GPR137: variants seen among roughly 807,000 people sequenced by gnomAD.
GPR137 encodes the protein G protein-coupled receptor 137.
A neutral mutation model predicts 38.9 loss-of-function variants in GPR137; 20 were observed. The ratio of observed to expected loss-of-function variants is 0.51; its 90% CI spans 0.36 to 0.75. GPR137 has a LOEUF of 0.75. Ranked by LOEUF, GPR137 falls within the 30% of genes least tolerant of loss-of-function variation. The probability of loss-of-function intolerance (pLI) is 0.00; values close to 1 mark genes in which losing one functional copy is unlikely to be tolerated. For synonymous variants in GPR137, 226 were observed against 235.8 expected (o/e 0.96, Z 0.38); for missense variants, 456 against 526.4 (o/e 0.87, Z 1.31).
upstream of GPR137, among the ~76,000 whole-genome samples, chr11:64,273,249 T>C (rs1403720599): frequency 2.0e-5 from 3 of 152,158 alleles, no homozygotes; most frequent in Non-Finnish European, 4.4e-5. Flanking sequence ...GGTTCACGCC[T>C]GTAGTCCCAG....
chr11:64,286,402 T>G lies in GPR137; in HGVS notation c.-123T>G, dbSNP rs2034060415. ...AGGGGCCTGTCAGCCACAACTTCTT[T>G]CCTCCTGAGCGCCCCATCTCCCTCT... is the stretch of plus-strand genomic sequence containing the variant. On this transcript the variant is annotated 5_prime_UTR_variant, in exon 1 of 7. Coordinates refer to ENST00000438980, the MANE Select transcript of GPR137 (RefSeq NM_001170880.2). 1 of 1,447,280 alleles carries G rather than the reference T, an allele frequency of 6.9e-7. No homozygotes were observed. The highest frequency in any genetic ancestry group is 9.0e-7 in the Non-Finnish European group (1 of 1,105,094). The allele number at this position is 1,447,280 out of a possible 1,614,324, so 89.7% of individuals were successfully genotyped here. A position where few individuals can be genotyped will look rare whatever the true frequency, so the allele number is the denominator to read the frequency against.
chr11:64,289,238 C>CT lies in GPR137; in HGVS notation c.*43dup. 6.2e-7 allele frequency: 1 copy of CT among 1,612,292 alleles called. No homozygotes were observed. On this transcript the variant is annotated 3_prime_UTR_variant, in exon 7 of 7. Coordinates refer to ENST00000438980, the MANE Select transcript of GPR137 (RefSeq NM_001170880.2). ...ACAGAATACCCAGGCCCCAGTCCCC[C>CT]TCACCCTAGGCCCCTGTGCCAAGTT... is the stretch of plus-strand genomic sequence containing the variant.
exon 1 of GPR137, chr11:64,270,616 CAGA>C (rs1171039982): frequency 3.0e-6 from 2 of 664,514 alleles, no homozygotes; most frequent in Non-Finnish European, 5.5e-6. Context: ...ACCTAGCACC[CAGA>C]AGATGAGACC....
At chr11:64,284,660 G>A (rs1055115245), upstream of GPR137, 21 of 1,534,552 alleles carry the variant, frequency 1.4e-5, no homozygotes, top group Non-Finnish European at 1.8e-5. Flanking sequence ...CCCCTGACCC[G>A]GGCCTGCCGC....
upstream of GPR137, among the ~76,000 whole-genome samples, chr11:64,272,129 G>GC (rs1277012302): frequency 2.0e-5 from 3 of 152,132 alleles, no homozygotes; most frequent in Non-Finnish European, 4.4e-5. Flanking sequence ...GACCATCCTG[G>GC]CCAACATGGT....
At position 64,286,730 on chromosome 11, in the gene GPR137, G is replaced by T; in HGVS notation, c.206G>T (p.Trp69Leu). 6.2e-7 allele frequency: 1 copy of T among 1,613,524 alleles called. No individual in the cohort carries two copies. Among genetic ancestry groups the T allele is most frequent in the Non-Finnish European group, 8.5e-7 (1 of 1,179,714 alleles). ...GTGTTCCTGGCCCTCTGTCTGCTCT[G>T]GGCCGCCTTGCGTACCACCCTCTTC... Reference protein sequence around the residue: ...QTVFLALCLLWAALRTTLFSF... With the variant: ...QTVFLALCLLLAALRTTLFSF... Residue 69 changes from tryptophan to leucine, a missense_variant, in exon 1 of 7, where the codon TGG (tryptophan) becomes TTG (leucine). Transcript: ENST00000438980.
upstream of GPR137, among the ~76,000 whole-genome samples, chr11:64,270,928 CA>C (rs2032477385): frequency 8.3e-6 from 1 of 120,878 alleles, no homozygotes; most frequent in Admixed American, 8.1e-5. Flanking sequence ...CACACACACA[CA>C]CACGCCTGGA....
At chr11:64,271,498 T>G, upstream of GPR137, 3 of 1,091,708 alleles carry the variant, frequency 2.7e-6, no homozygotes, top group Non-Finnish European at 3.6e-6. Flanking sequence ...CAGGACGGCT[T>G]TGGGGAGGGG....
Position 64,286,909 on chromosome 11 carries a change from G to A in GPR137, c.357+28G>A, listed in dbSNP as rs200783826. On this transcript the variant is annotated intron_variant, in intron 1 of 6. Transcript: ENST00000438980. ...AACCAACTGTGGTCCCGGGTGGGGG[G>A]CGGGAGGTGGCAAGCCTCAAGGACC... The A allele has an allele frequency of 2.5e-5, 36 of 1,437,422 alleles. No individual in the cohort carries two copies. In the East Asian group the frequency reaches 4.1e-4, roughly 16 times the overall value. The allele number at this position is 1,437,422 out of a possible 1,614,324, so 89.0% of individuals were successfully genotyped here.
At chr11:64,284,800 GC>G (rs763067502), upstream of GPR137, 10 of 1,425,076 alleles carry the variant, frequency 7.0e-6, no homozygotes, top group South Asian at 2.5e-5. Context: ...GCCCGGCCCC[GC>G]CCCCCCGCCG....
Position 64,288,218 on chromosome 11 carries a change from G to A in GPR137, c.783+4G>A. On this transcript the variant is annotated splice_donor_region_variant and intron_variant, in intron 4 of 6. Transcript: ENST00000438980. The surrounding 1 kb of genome is among the most constrained non-coding windows in gnomAD (Gnocchi z 5.5). ...CTGGTACAATGTGTCTGACCAGGTG[G>A]GCATACGCATGTCTGCCACCTCCTT... is the stretch of plus-strand genomic sequence containing the variant. The A allele has an allele frequency of 6.2e-7, 1 of 1,611,776 alleles. No homozygotes were observed. The highest frequency in any genetic ancestry group is 1.1e-5 in the South Asian group (1 of 91,040).
At chr11:64,273,855 C>CTAA, upstream of GPR137, among the ~76,000 whole-genome samples, 1 of 54,820 alleles carries the variant, frequency 1.8e-5, no homozygotes, top group Non-Finnish European at 3.1e-5. Flanking sequence ...GCACCCATCT[C>CTAA]AAAAAAAAAA....
At chr11:64,284,388 A>C, upstream of GPR137, 5 of 1,612,208 alleles carry the variant, frequency 3.1e-6, no homozygotes, top group Non-Finnish European at 4.2e-6. Flanking sequence ...TGTGAGGACA[A>C]GATGTTACGT....
rs781483598 is a variant in GPR137, at chr11:64,289,277, T to C, written c.*81T>C. 6.2e-7 allele frequency: 1 copy of C among 1,613,358 alleles called. No homozygotes were observed. The highest frequency in any genetic ancestry group is 8.5e-7 in the Non-Finnish European group (1 of 1,179,844). ...CTGTGCCAAGTTTGTCTGCCGCTTC[T>C]TGCCCAGGATCCTGGGGGTCGTGGC... On this transcript the variant is annotated 3_prime_UTR_variant, in exon 7 of 7. Coordinates refer to ENST00000438980, the MANE Select transcript of GPR137 (RefSeq NM_001170880.2).
At position 64,288,894 on chromosome 11, in the gene GPR137, C is replaced by T; in HGVS notation, c.1032-143C>T. ...TGGGTTCCTATTGCTAAAGCCTCCA[C>T]CTCTTGCCTAGAGATGTACTTTGTC... On this transcript the variant is annotated intron_variant, in intron 6 of 6. Coordinates refer to ENST00000438980, the MANE Select transcript of GPR137 (RefSeq NM_001170880.2). The surrounding 1 kb of genome is among the most constrained non-coding windows in gnomAD (Gnocchi z 5.5). 6.2e-6 allele frequency: 9 copies of T among 1,440,052 alleles called. No homozygotes were observed. Among genetic ancestry groups the T allele is most frequent in the Non-Finnish European group, 7.3e-6 (8 of 1,101,912 alleles). 89.2% of individuals were successfully genotyped at this position (1,440,052 alleles called of 1,614,324 possible).
At position 64,289,452 on chromosome 11, in the gene GPR137, T is replaced by C. The variant is rs1035595384; in HGVS notation, c.*256T>C. ...TGCTTCCACACCGGAGCCAGCTACC[T>C]CTCCTGTGCCTGCCACTCAATAAAC... is the stretch of plus-strand genomic sequence containing the variant. On this transcript the variant is annotated 3_prime_UTR_variant, in exon 7 of 7. Transcript: ENST00000438980. The C allele has an allele frequency of 4.7e-6, 7 of 1,504,776 alleles. No individual in the cohort carries two copies. The highest frequency in any genetic ancestry group is 5.3e-6 in the Non-Finnish European group (6 of 1,132,396). The allele number at this position is 1,504,776 out of a possible 1,614,324, so 93.2% of individuals were successfully genotyped here.
chr11:64,284,669 G>A (rs545065054), upstream of GPR137: 10 of 1,535,056 alleles, frequency 6.5e-6, no homozygotes, highest in African/African-American at 9.6e-5. Context: ...CGGGCCTGCC[G>A]CCTCCCTCCA....
At chr11:64,271,969 G>A (rs2032663522), upstream of GPR137, 3 of 452,026 alleles carry the variant, frequency 6.6e-6, no homozygotes, top group Non-Finnish European at 1.1e-5. Context: ...TGAATCGAGG[G>A]GAAGCTCAGG....
chr11:64,282,685 C>G (rs955257621), upstream of GPR137, among the ~76,000 whole-genome samples: 1 of 151,996 alleles, frequency 6.6e-6, no homozygotes, highest in African/African-American at 2.4e-5. Context: ...GGAGACCACC[C>G]TGGCTAACAC....
Sources: allele counts gnomAD v4.1 joint callset (sites outside exome capture counted in the v4.1 genomes callset), GRCh38; gene constraint gnomAD v4.1.1; non-coding constraint Gnocchi (gnomAD v3.1); transcripts MANE v1.5; gene names NCBI Gene and HGNC (gene_info 2026-07-23, HGNC 2026-07-21).